CADM2: variants seen among roughly 807,000 people sequenced by gnomAD.
The protein encoded by CADM2 is cell adhesion molecule 2.
CADM2 carries 12 observed loss-of-function variants against 49.8 expected under a neutral mutation model. The ratio of observed to expected loss-of-function variants is 0.24; its 90% confidence interval spans 0.15 to 0.39. The LOEUF is 0.39. Ranked by LOEUF, CADM2 falls within the 10% of genes least tolerant of loss-of-function variation. The probability of loss-of-function intolerance (pLI) is 1.00; values close to 1 mark genes in which losing one functional copy is unlikely to be tolerated. For synonymous variants in CADM2, 214 were observed against 175.4 expected, an observed-to-expected ratio of 1.22 and a Z score of -1.74; for missense variants, 378 against 492.3, an observed-to-expected ratio of 0.77 and a Z score of 2.20.
intron 1 of CADM2, among the ~76,000 whole-genome samples, chr3:85,577,541 A>T (rs1370075202): frequency 3.3e-5 from 5 of 152,188 alleles, no homozygotes; most frequent in Non-Finnish European, 5.9e-5. Context: ...AGTTTATTTC[A>T]TTCAAAAATC....
intron 1 of CADM2, among the ~76,000 whole-genome samples, chr3:85,203,193 G>A (rs2041552185): frequency 6.6e-6 from 1 of 152,166 alleles, no homozygotes; most frequent in Non-Finnish European, 1.5e-5. Flanking sequence ...TGGTGCAAGA[G>A]GCTCAGCTTT....
intron 3 of CADM2, among the ~76,000 whole-genome samples, chr3:85,827,504 T>C (rs1322571964): frequency 6.6e-6 from 1 of 151,978 alleles, no homozygotes; most frequent in East Asian, 1.9e-4. Flanking sequence ...TCTTTAGAAA[T>C]TCAAGTGATT....
At chr3:85,754,174 G>A (rs1313521902) in intron 2 of CADM2, among the ~76,000 whole-genome samples, 1 of 152,154 alleles carries the variant, frequency 6.6e-6, no homozygotes, top group African/African-American at 2.4e-5. Context: ...TGGCCATTTT[G>A]TCTCTTAATG....
chr3:85,539,624 T>C (rs2061498651), intron 1 of CADM2, among the ~76,000 whole-genome samples: 2 of 152,162 alleles, frequency 1.3e-5, no homozygotes, highest in African/African-American at 2.4e-5. Flanking sequence ...TCCTTATAAA[T>C]AGTTCATTTA....
intron 8 of CADM2, among the ~76,000 whole-genome samples, chr3:85,969,950 T>C (rs1163963532): frequency 1.5e-5 from 2 of 132,130 alleles, no homozygotes; most frequent in African/African-American, 6.1e-5. Flanking sequence ...TACAGGGGTG[T>C]GTTTGTGTGT....
At chr3:85,013,901 T>G (rs1010302181) in intron 1 of CADM2, among the ~76,000 whole-genome samples, 2 of 147,412 alleles carry the variant, frequency 1.4e-5, no homozygotes, top group African/African-American at 4.9e-5. Flanking sequence ...TATATTATTG[T>G]ACTGTCCTCA....
chr3:85,708,196 C>T (rs752595981), intron 1 of CADM2, among the ~76,000 whole-genome samples: 1 of 151,962 alleles, frequency 6.6e-6, no homozygotes, highest in Non-Finnish European at 1.5e-5. Flanking sequence ...AATGTAGATA[C>T]TAAAATAAAT....
At chr3:86,039,850 C>T (rs1201345547) in intron 8 of CADM2, among the ~76,000 whole-genome samples, 1 of 152,170 alleles carries the variant, frequency 6.6e-6, no homozygotes, top group Non-Finnish European at 1.5e-5. Context: ...GGCAGACTGA[C>T]AACACACATG....
intron 1 of CADM2, among the ~76,000 whole-genome samples, chr3:85,694,728 G>A (rs1183565818): frequency 6.6e-6 from 1 of 151,956 alleles, no homozygotes; most frequent in Non-Finnish European, 1.5e-5. Flanking sequence ...TAAAGATTAG[G>A]GGCGTGGATT....
intron 8 of CADM2, among the ~76,000 whole-genome samples, chr3:85,987,994 A>G (rs1181668283): frequency 1.3e-5 from 2 of 152,138 alleles, no homozygotes; most frequent in Non-Finnish European, 2.9e-5. Context: ...AACACAGTTA[A>G]TAACCTCCTG....
At chr3:85,865,519 T>C (rs2075690624) in intron 3 of CADM2, among the ~76,000 whole-genome samples, 1 of 152,192 alleles carries the variant, frequency 6.6e-6, no homozygotes, top group Non-Finnish European at 1.5e-5. Context: ...GAGTGTTTAT[T>C]AGTAAAATAC....
intron 1 of CADM2, among the ~76,000 whole-genome samples, chr3:85,208,538 A>G (rs537560819): frequency 2.7e-4 from 41 of 152,286 alleles, no homozygotes; most frequent in Non-Finnish European, 3.5e-4. Flanking sequence ...ATAGGTATAC[A>G]TAAATAATTA....
At chr3:85,757,506 G>A (rs1433533746) in intron 2 of CADM2, among the ~76,000 whole-genome samples, 1 of 152,006 alleles carries the variant, frequency 6.6e-6, no homozygotes, top group African/African-American at 2.4e-5. Context: ...TAGGTATATA[G>A]ATAGTAGATG....
chr3:85,459,335 A>G (rs1223508511), intron 1 of CADM2, among the ~76,000 whole-genome samples: 1 of 152,154 alleles, frequency 6.6e-6, no homozygotes, highest in East Asian at 1.9e-4. Flanking sequence ...ATGTCCTTAG[A>G]TGTACTCAGC....
intron 1 of CADM2, among the ~76,000 whole-genome samples, chr3:85,468,410 G>A (rs2038617358): frequency 6.6e-6 from 1 of 151,982 alleles, no homozygotes; most frequent in Non-Finnish European, 1.5e-5. Context: ...CTGTCTCCCC[G>A]CTTGCACTCT....
At chr3:86,066,603 T>C in intron 9 of CADM2, 62 bp from the exon 10 acceptor site, 1 of 1,247,926 alleles carries the variant, frequency 8.0e-7, no homozygotes, top group South Asian at 1.2e-5. Flanking sequence ...ATAATGTAGC[T>C]TTAATGCTGG....
intron 1 of CADM2, among the ~76,000 whole-genome samples, chr3:85,368,981 CTTGGAGAAAATT>C (rs2033000782): frequency 6.6e-6 from 1 of 152,004 alleles, no homozygotes; most frequent in Non-Finnish European, 1.5e-5. Flanking sequence ...TGTACTTTAT[CTTGGAGAAAATT>C]AAAAAATCTA....
chr3:85,811,351 A>G (rs187436537), intron 3 of CADM2, among the ~76,000 whole-genome samples: 2 of 152,342 alleles, frequency 1.3e-5, no homozygotes, highest in Non-Finnish European at 2.9e-5. Context: ...AAACCCTACT[A>G]AAAGAAAAAT....
At chr3:85,911,156 CAGAA>C (rs1419108664) in intron 5 of CADM2, among the ~76,000 whole-genome samples, 2 of 152,056 alleles carry the variant, frequency 1.3e-5, no homozygotes, top group African/African-American at 2.4e-5. Context: ...AAAAAAATGA[CAGAA>C]AGCAAGAAAA....
Sources: allele counts gnomAD v4.1 joint callset (sites outside exome capture counted in the v4.1 genomes callset), GRCh38; gene constraint gnomAD v4.1.1; transcripts MANE v1.5; gene names NCBI Gene and HGNC (gene_info 2026-07-23, HGNC 2026-07-21).